Variants in UST observed in about 807,000 individuals in gnomAD.
The protein encoded by UST is chondroitin sulfate 2-O-sulfotransferase.
Under a neutral mutation model 45.6 loss-of-function variants are expected in UST, and 21 were observed. The ratio of observed to expected loss-of-function variants is 0.46; its 90% CI spans 0.33 to 0.66. UST has a LOEUF of 0.66. Ranked by LOEUF, UST falls within the 30% of genes least tolerant of loss-of-function variation. The pLI, the probability that UST is intolerant of heterozygous loss-of-function variation, is 0.02. For synonymous variants in UST, 215 were observed against 200.6 expected, an observed-to-expected ratio of 1.07 and a Z score of -0.61; for missense variants, 463 against 512.4, an observed-to-expected ratio of 0.90 and a Z score of 0.93.
intron 5 of UST, among the ~76,000 whole-genome samples, chr6:149,004,604 T>C (rs1781610859): frequency 6.6e-6 from 1 of 152,190 alleles, no homozygotes; most frequent in African/African-American, 2.4e-5. Flanking sequence ...CAAGACTCTA[T>C]TCCACTGGAG....
intron 1 of UST, among the ~76,000 whole-genome samples, chr6:148,870,083 C>T (rs1778518577): frequency 6.9e-6 from 1 of 145,142 alleles, no homozygotes; most frequent in Admixed American, 6.9e-5. Context: ...AGCTTTCCCC[C>T]AGCTTCACAG....
intron 1 of UST, among the ~76,000 whole-genome samples, chr6:148,855,023 T>C (rs1778176379): frequency 6.6e-6 from 1 of 152,072 alleles, no homozygotes; most frequent in Non-Finnish European, 1.5e-5. Flanking sequence ...AAGTCACGTC[T>C]TAAGTGGATG....
intron 5 of UST, among the ~76,000 whole-genome samples, chr6:148,973,808 A>C (rs1394915026): frequency 6.6e-6 from 1 of 152,244 alleles, no homozygotes; most frequent in East Asian, 1.9e-4. Context: ...GTCTGAAGAC[A>C]GGAAAAGTAA....
At chr6:148,933,240 C>T (rs1203225218) in intron 2 of UST, among the ~76,000 whole-genome samples, 1 of 152,132 alleles carries the variant, frequency 6.6e-6, no homozygotes, top group Non-Finnish European at 1.5e-5. Context: ...AATATGACAG[C>T]ATTGGTTCTA....
intron 4 of UST, among the ~76,000 whole-genome samples, chr6:148,955,433 T>C (rs1780472512): frequency 6.6e-6 from 1 of 152,268 alleles, no homozygotes; most frequent in African/African-American, 2.4e-5. Context: ...AAGTGTTCCC[T>C]GAAGTTTCCT....
intron 1 of UST, among the ~76,000 whole-genome samples, chr6:148,769,435 A>G (rs1776378122): frequency 6.6e-6 from 1 of 152,236 alleles, no homozygotes; most frequent in Non-Finnish European, 1.5e-5. Context: ...TGTAGTGTTA[A>G]CAAAACATTG....
chr6:148,929,848 A>G (rs553550090), intron 2 of UST, among the ~76,000 whole-genome samples: 1 of 152,290 alleles, frequency 6.6e-6, no homozygotes, highest in South Asian at 2.1e-4. Flanking sequence ...ACTAGGCCAG[A>G]GAGTTGATGA....
chr6:148,848,669 CA>C lies in UST; in HGVS notation c.248-38301del, dbSNP rs34813628. 4.8e-3 allele frequency among the ~76,000 whole-genome samples: 495 copies of C among 102,470 alleles called. 1 individual carries two copies. The highest frequency in any genetic ancestry group is 5.5e-3 in the Middle Eastern group (1 of 182). The allele number at this position is 102,470 out of a possible 152,430, so 67.2% of individuals were successfully genotyped here. ...CTGGTGACAGAGTGAGACTCCATCT[CA>C]AAAAAAAAAAAAAAATGATTACACT... is the stretch of plus-strand genomic sequence containing the variant. On this transcript the variant is annotated intron_variant, in intron 1 of 7. Coordinates refer to ENST00000367463, the MANE Select transcript of UST (RefSeq NM_005715.3).
Position 149,076,740 on chromosome 6 carries a change from T to C in UST, c.*2624T>C, listed in dbSNP as rs561342882. On this transcript the variant is annotated 3_prime_UTR_variant, in exon 8 of 8. Coordinates refer to ENST00000367463, the MANE Select transcript of UST (RefSeq NM_005715.3). ...TTATTTATTATAACCTTTCAGCACATTCCAAGGTTTTAGTTACTCAGGAAG... is the reference window on the plus strand; with the variant it reads ...TTATTTATTATAACCTTTCAGCACACTCCAAGGTTTTAGTTACTCAGGAAG... 1 of 152,778 alleles carries C rather than the reference T, an allele frequency of 6.5e-6. No homozygotes were observed. Among genetic ancestry groups the C allele is most frequent in the South Asian group, 2.1e-4 (1 of 4,830 alleles). The allele number at this position is 152,778 out of a possible 1,614,324, so 9.5% of individuals were successfully genotyped here. A position where few individuals can be genotyped will look rare whatever the true frequency, so the allele number is the denominator to read the frequency against.
intron 1 of UST, among the ~76,000 whole-genome samples, chr6:148,773,463 A>G (rs1776471655): frequency 7.2e-6 from 1 of 138,696 alleles, no homozygotes; most frequent in Admixed American, 7.1e-5. Context: ...CTCTGTCTCA[A>G]AAAAAAAAAA....
At chr6:148,826,824 C>G (rs1381438405) in intron 1 of UST, among the ~76,000 whole-genome samples, 1 of 152,140 alleles carries the variant, frequency 6.6e-6, no homozygotes, top group Non-Finnish European at 1.5e-5. Context: ...GGCTCATGCC[C>G]CCTAATACCA....
intron 1 of UST, among the ~76,000 whole-genome samples, chr6:148,770,199 A>G (rs1776396407): frequency 6.6e-6 from 1 of 151,874 alleles, no homozygotes; most frequent in African/African-American, 2.4e-5. Flanking sequence ...CATTATTGGT[A>G]ATAGAGATTT....
intron 1 of UST, among the ~76,000 whole-genome samples, chr6:148,820,402 C>A (rs1777433942): frequency 6.6e-6 from 1 of 152,016 alleles, no homozygotes; most frequent in Admixed American, 6.6e-5. Flanking sequence ...TGACACAGTG[C>A]CTCATTTACC....
At chr6:148,820,892 T>A (rs13211473) in intron 1 of UST, among the ~76,000 whole-genome samples, 10 of 144,512 alleles carry the variant, frequency 6.9e-5, no homozygotes, top group Non-Finnish European at 1.3e-4. Context: ...CAATAATGTC[T>A]TGTATAGATA....
intron 1 of UST, among the ~76,000 whole-genome samples, chr6:148,883,483 C>T (rs181027689): frequency 1.9e-4 from 29 of 152,288 alleles, no homozygotes; most frequent in Middle Eastern, 3.4e-3. Context: ...AAAAGCTTAA[C>T]AGACTGGACT....
At chr6:148,830,891 T>A (rs1276146384) in intron 1 of UST, among the ~76,000 whole-genome samples, 1 of 152,190 alleles carries the variant, frequency 6.6e-6, no homozygotes, top group African/African-American at 2.4e-5. Context: ...TGGTGATGAC[T>A]GCACAACATT....
In UST at chr6:148,989,217, C is replaced by G. The variant is rs545569051; in HGVS notation, c.681+24654C>G. On this transcript the variant is annotated intron_variant, in intron 5 of 7. Coordinates refer to ENST00000367463, the MANE Select transcript of UST (RefSeq NM_005715.3). ...ACTTGACTTCAGTAAAGGCCCCCCC[C>G]CACCCCCCGCAAATGAAAACCTTGA... Among the ~76,000 whole-genome samples the G allele has an allele frequency of 4.8e-4, 44 of 91,244 alleles. 2 individuals carry two copies. In the East Asian group the frequency reaches 8.4e-3, roughly 18 times the overall value. The allele number at this position is 91,244 out of a possible 152,430, so 59.9% of individuals were successfully genotyped here. A position where few individuals can be genotyped will look rare whatever the true frequency, so the allele number is the denominator to read the frequency against.
chr6:149,034,841 TC>T (rs1190380777), intron 7 of UST, among the ~76,000 whole-genome samples: 1 of 9,016 alleles, frequency 1.1e-4, no homozygotes, highest in Non-Finnish European at 2.1e-4. Context: ...TCATTCTCTC[TC>T]TCTCTCTCTC....
Position 148,824,882 on chromosome 6 carries a change from A to C in UST, c.248-62104A>C, listed in dbSNP as rs1380938635. 2.6e-3 allele frequency among the ~76,000 whole-genome samples: 292 copies of C among 113,888 alleles called. 2 individuals are homozygous for C. Among genetic ancestry groups the C allele is most frequent in the African/African-American group, 9.6e-3 (275 of 28,626 alleles). 74.7% of individuals were successfully genotyped at this position (113,888 alleles called of 152,430 possible). On this transcript the variant is annotated intron_variant, in intron 1 of 7. Transcript: ENST00000367463. ...GTGTGATTTTCCCCTTCCTGTGTCC[A>C]TGTGATCTCATTGTTCAATTCCCAC...
Sources: gnomAD v4.1 joint callset for allele counts (sites outside exome capture counted in the v4.1 genomes callset) on GRCh38, gnomAD v4.1.1 for gene constraint, MANE v1.5 for transcripts, NCBI Gene and HGNC (gene_info 2026-07-23, HGNC 2026-07-21) for gene names.